CSMD1: variants seen among roughly 807,000 people sequenced by gnomAD.
CSMD1 encodes CUB and sushi domain-containing protein 1.
Under a neutral mutation model 417.5 loss-of-function variants are expected in CSMD1, and 213 were observed. The ratio of observed to expected loss-of-function variants is 0.51; its 90% CI spans 0.46 to 0.57. The LOEUF (loss-of-function observed/expected upper bound fraction) is 0.57. Among genes scored for constraint, CSMD1 ranks in the 20% least tolerant of loss-of-function variants. The pLI is 0.00. For synonymous variants in CSMD1, 2,862 were observed against 1,736.8 expected, an observed-to-expected ratio of 1.65 and a Z score of -16.11; for missense variants, 6,923 against 4,529.7, an observed-to-expected ratio of 1.53 and a Z score of -15.17.
intron 1 of CSMD1, among the ~76,000 whole-genome samples, chr8:4,700,564 T>G (rs773502506): frequency 1.5e-4 from 23 of 152,130 alleles, no homozygotes; most frequent in Non-Finnish European, 2.9e-4. Context: ...AAAACTTAAG[T>G]GTGATTTGCT....
At chr8:3,380,230 C>G (rs1810551328) in intron 18 of CSMD1, among the ~76,000 whole-genome samples, 1 of 152,258 alleles carries the variant, frequency 6.6e-6, no homozygotes, top group East Asian at 1.9e-4. Context: ...ACTAAAAAGT[C>G]AGGAAACAAC....
intron 1 of CSMD1, among the ~76,000 whole-genome samples, chr8:4,720,064 C>G (rs1218970465): frequency 6.6e-6 from 1 of 151,836 alleles, no homozygotes; most frequent in Admixed American, 6.6e-5. Flanking sequence ...TGTGGTGAGG[C>G]TTTTTCTAAA....
At chr8:4,047,423 T>C (rs1218604377) in intron 3 of CSMD1, among the ~76,000 whole-genome samples, 1 of 152,174 alleles carries the variant, frequency 6.6e-6, no homozygotes, top group African/African-American at 2.4e-5. Context: ...TAAATTGAAA[T>C]TAAAATGGCA....
At chr8:3,855,608 A>T (rs1473474398) in intron 5 of CSMD1, among the ~76,000 whole-genome samples, 1 of 152,204 alleles carries the variant, frequency 6.6e-6, no homozygotes, top group Non-Finnish European at 1.5e-5. Context: ...ATGACTGAGT[A>T]TGCTAATTCC....
intron 1 of CSMD1, among the ~76,000 whole-genome samples, chr8:4,677,930 G>T (rs1462103073): frequency 1.3e-5 from 2 of 152,044 alleles, no homozygotes; most frequent in Admixed American, 1.3e-4. Context: ...TGATTCCGTA[G>T]GTATAAAACA....
intron 7 of CSMD1, among the ~76,000 whole-genome samples, chr8:3,708,195 G>C (rs192144641): frequency 6.6e-6 from 1 of 152,186 alleles, no homozygotes; most frequent in East Asian, 1.9e-4. Flanking sequence ...GATCAGGGCA[G>C]ACGTGACACA....
chr8:4,946,875 G>A lies in CSMD1; in HGVS notation c.85+47457C>T, dbSNP rs372516355. On this transcript the variant is annotated intron_variant, in intron 1 of 69. Transcript: ENST00000635120. ...ACATAAGATTTTAAATCATAGCCAT[G>A]ATTTAATAATCAGAAAATATATGTT... Among the ~76,000 whole-genome samples the A allele has an allele frequency of 2.6e-5, 4 of 151,968 alleles. 1 individual carries two copies. The highest frequency in any genetic ancestry group is 9.7e-5 in the African/African-American group (4 of 41,426).
At chr8:4,902,478 A>T (rs1430037249) in intron 1 of CSMD1, among the ~76,000 whole-genome samples, 1 of 152,152 alleles carries the variant, frequency 6.6e-6, no homozygotes, top group African/African-American at 2.4e-5. Flanking sequence ...CTTTTCAGGA[A>T]TAAATGAAAA....
chr8:4,390,497 T>TTTATTTATTTATTTATTTATTTATTTA (rs1554457298), intron 3 of CSMD1, among the ~76,000 whole-genome samples: 14 of 140,364 alleles, frequency 1.0e-4, no homozygotes, highest in East Asian at 2.0e-4. Context: ...AAGCGTCCAT[T>TTTATTTATTTATTTATTTATTTATTTA]TTTATTTATT....
intron 36 of CSMD1, chr8:3,182,901 G>GTTAGTAGAGAAGGGGTTA (rs1188218573): frequency 5.6e-5 from 1 of 17,926 alleles, no homozygotes; most frequent in Non-Finnish European, 1.3e-4. Context: ...TGTGTGTATT[G>GTTAGTAGAGAAGGGGTTA]TTAGTAGAGA....
At chr8:4,410,631 G>A (rs192154776) in intron 3 of CSMD1, among the ~76,000 whole-genome samples, 140 of 152,234 alleles carry the variant, frequency 9.2e-4, no homozygotes, top group African/African-American at 3.3e-3. Flanking sequence ...CAAATGTAAT[G>A]TATATGCATG....
intron 50 of CSMD1, among the ~76,000 whole-genome samples, chr8:3,042,676 C>G (rs1284588456): frequency 1.3e-5 from 2 of 152,144 alleles, no homozygotes; most frequent in South Asian, 2.1e-4. Context: ...CCCATGTATA[C>G]TCTGGGCATG....
chr8:3,623,254 C>G (rs894137773), intron 7 of CSMD1, among the ~76,000 whole-genome samples: 3 of 152,142 alleles, frequency 2.0e-5, no homozygotes, highest in Non-Finnish European at 4.4e-5. Flanking sequence ...CTGCACAAAA[C>G]CTTGTGACTC....
chr8:4,155,355 A>G (rs112781416), intron 3 of CSMD1, among the ~76,000 whole-genome samples: 5 of 152,306 alleles, frequency 3.3e-5, no homozygotes, highest in African/African-American at 1.2e-4. Flanking sequence ...CAGGGTAAAC[A>G]GCCACGCTGC....
chr8:4,127,755 T>A (rs905117952), intron 3 of CSMD1, among the ~76,000 whole-genome samples: 1 of 152,210 alleles, frequency 6.6e-6, no homozygotes, highest in African/African-American at 2.4e-5. Flanking sequence ...AGCTACCAAG[T>A]CTTGACATAT....
intron 8 of CSMD1, among the ~76,000 whole-genome samples, chr8:3,589,959 A>T (rs542835414): frequency 1.4e-3 from 47 of 34,466 alleles, no homozygotes; most frequent in African/African-American, 6.7e-3. Flanking sequence ...AATATAGGAA[A>T]TTTCTGGTGA....
intron 2 of CSMD1, among the ~76,000 whole-genome samples, chr8:4,589,391 A>G (rs2130726319): frequency 6.6e-6 from 1 of 152,318 alleles, no homozygotes; most frequent in African/African-American, 2.4e-5. Context: ...ACTCTGAACC[A>G]AAAACCAATG....
intron 3 of CSMD1, among the ~76,000 whole-genome samples, chr8:4,271,865 C>G (rs537099660): frequency 6.6e-6 from 1 of 152,166 alleles, no homozygotes; most frequent in African/African-American, 2.4e-5. Context: ...GTGCATTCCA[C>G]GATGCATACA....
At chr8:3,545,110 T>A (rs780412009) in intron 10 of CSMD1, among the ~76,000 whole-genome samples, 50 of 152,164 alleles carry the variant, frequency 3.3e-4, no homozygotes, top group Non-Finnish European at 5.0e-4. Flanking sequence ...AGGACAGGTA[T>A]CAAAGCAGAT....
Sources: gnomAD v4.1 joint callset for allele counts (sites outside exome capture counted in the v4.1 genomes callset) on GRCh38, gnomAD v4.1.1 for gene constraint, MANE v1.5 for transcripts, NCBI Gene and HGNC (gene_info 2026-07-23, HGNC 2026-07-21) for gene names.